The following FANCI variants were observed in gnomAD, a reference collection of about 807,000 sequenced individuals.
FANCI encodes the protein FA complementation group I.
FANCI carries 156 observed loss-of-function variants against 176.1 expected under a neutral mutation model. The observed-to-expected ratio is 0.89, with a 90% CI of 0.78 to 1.01. The LOEUF (loss-of-function observed/expected upper bound fraction) is 1.01. Among genes scored for constraint, FANCI ranks in the 50% least tolerant of loss-of-function variants. FANCI has a pLI of 0.00. For missense variants in FANCI, 1,678 were observed against 1,534.1 expected, an observed-to-expected ratio of 1.09 and a Z score of -1.57; for synonymous variants, 613 against 541.7, an observed-to-expected ratio of 1.13 and a Z score of -1.83.
rs970533173 is a variant in FANCI at position 89,312,904 on chromosome 15, A to T, written c.3652A>T (p.Asn1218Tyr). ...AGAGAATGTGTTTCTATTTCTTTAG[A>T]ATAAGAGTAAGAGCCTGAACTATAC... ...LCYSFISYVQNKSKSLNYTGE... is the reference protein window; with the variant it reads ...LCYSFISYVQYKSKSLNYTGE... The change falls in exon 35 of 38, where the codon AAT (asparagine) becomes TAT (tyrosine). Residue 1218 changes from asparagine (N) to tyrosine (Y), a missense_variant and splice_region_variant. This residue lies in a region of FANCI where 1,204 missense variants were observed against 1,077.4 expected (regional missense o/e 1.12). Coordinates refer to ENST00000310775, the MANE Select transcript of FANCI (RefSeq NM_001113378.2). 6.2e-7 allele frequency: 1 copy of T among 1,612,746 alleles called. No homozygotes were observed. The highest frequency in any genetic ancestry group is 1.7e-5 in the Admixed American group (1 of 59,984).
rs192371437 is a variant in FANCI, at chr15:89,256,484, A to T, written c.85-2220A>T. ...CATGTACTTGTGGAAGAGAGAGTTT[A>T]TTGTTTTATTAGTCTTGGCTTCTGT... On this transcript the variant is annotated intron_variant, in intron 2 of 37. Coordinates refer to ENST00000310775, the MANE Select transcript of FANCI (RefSeq NM_001113378.2). Among the ~76,000 whole-genome samples the T allele has an allele frequency of 5.9e-5, 9 of 152,294 alleles. No homozygotes were observed. The East Asian group carries it at 1.5e-3, about 26-fold the overall frequency.
At position 89,283,241 on chromosome 15, in the gene FANCI, T is replaced by C. The variant is rs1406812438; in HGVS notation, c.1689T>C (p.Ser563=). ...LSSSQCSQSL[S]VSQVHVDVHS... is the part of the protein sequence containing the mutation. ...CCTCTCAGTGCAGTCAGTCTCTCAGTGTCAGTCAGGTAAGGATTATTTACG... is the reference window on the plus strand; with the variant it reads ...CCTCTCAGTGCAGTCAGTCTCTCAGCGTCAGTCAGGTAAGGATTATTTACG... Residue 563 remains serine, a synonymous_variant, in exon 17 of 38, where the codon AGT becomes AGC. Coordinates refer to ENST00000310775, the MANE Select transcript of FANCI (RefSeq NM_001113378.2). The C allele has an allele frequency of 3.1e-6, 5 of 1,613,932 alleles. No individual in the cohort carries two copies. The highest frequency in any genetic ancestry group is 4.2e-6 in the Non-Finnish European group (5 of 1,179,872).
At chr15:89,283,993 C>T (rs757296526) in intron 17 of FANCI, among the ~76,000 whole-genome samples, 1 of 152,040 alleles carries the variant, frequency 6.6e-6, no homozygotes, top group East Asian at 1.9e-4. Context: ...GATCTCCTGA[C>T]CTCGTGATCC....
chr15:89,276,005 A>C (rs991745419), intron 12 of FANCI, among the ~76,000 whole-genome samples: 1 of 152,216 alleles, frequency 6.6e-6, no homozygotes, highest in African/African-American at 2.4e-5. Context: ...GAATATTGTT[A>C]ACTCTGTTAA....
rs545486664 is a variant in FANCI, at chr15:89,302,666, C to T, written c.3007-1198C>T. Among the ~76,000 whole-genome samples, 152 of 151,946 alleles carry T rather than the reference C, an allele frequency of 1.0e-3. 1 individual carries two copies. The highest frequency in any genetic ancestry group is 3.4e-3 in the Middle Eastern group (1 of 294). On this transcript the variant is annotated intron_variant, in intron 27 of 37. Coordinates refer to ENST00000310775, the MANE Select transcript of FANCI (RefSeq NM_001113378.2). The stretch of plus-strand genomic sequence containing the variant: ...TCAGCTCACTGCAGGCGCCGCCTTC[C>T]GGGTTCACGCCATTCTCCTGCCTCA...
At chr15:89,252,051 A>G (rs1010807803) in intron 2 of FANCI, among the ~76,000 whole-genome samples, 1 of 152,172 alleles carries the variant, frequency 6.6e-6, no homozygotes, top group Non-Finnish European at 1.5e-5. Flanking sequence ...CATAATCCCA[A>G]CGCTTTGGGA....
chr15:89,264,077 G>T, intron 8 of FANCI, 51 bp downstream of exon 8: 1 of 1,608,466 alleles, frequency 6.2e-7, no homozygotes, highest in South Asian at 1.1e-5. Context: ...GACCAGTTAT[G>T]ACCATTCAAC....
At chr15:89,298,093 A>C (rs1287611589) in intron 24 of FANCI, among the ~76,000 whole-genome samples, 5 of 152,188 alleles carry the variant, frequency 3.3e-5, no homozygotes, top group Admixed American at 2.0e-4. Flanking sequence ...CAAAACAAAA[A>C]AAAACCAGTA....
At chr15:89,300,462 A>C in intron 26 of FANCI, 77 bp downstream of exon 26, 1 of 1,313,134 alleles carries the variant, frequency 7.6e-7, no homozygotes, top group Non-Finnish European at 1.1e-6. Flanking sequence ...AGCTGGTAAG[A>C]ATGGGCAGAC....
rs368451326 is a variant in FANCI, at chr15:89,306,114, C to G, written c.3457C>G (p.Leu1153Val). The G allele has an allele frequency of 1.2e-5, 19 of 1,614,198 alleles. No homozygotes were observed. In the East Asian group the frequency reaches 1.6e-4, roughly 13 times the overall value. ...TFFHELVQTA[L>V]PSGSCVDTLL... ...TTTCCACGAGCTGGTGCAGACAGCTCTGCCATCAGGCAGCTGTGTGGACAC... is the reference window on the plus strand; with the variant it reads ...TTTCCACGAGCTGGTGCAGACAGCTGTGCCATCAGGCAGCTGTGTGGACAC... Residue 1153 changes from leucine (L) to valine (V), a missense_variant, in exon 32 of 38, where the codon CTG becomes GTG. By Grantham distance (32) the Leu-to-Val change is conservative. Around this residue, in one of 3 missense-constraint regions of FANCI, gnomAD observed 1,204 missense variants for 1,077.4 expected, o/e 1.12. Coordinates refer to ENST00000310775, the MANE Select transcript of FANCI (RefSeq NM_001113378.2).
chr15:89,296,111 G>T (rs1379829083), intron 24 of FANCI, among the ~76,000 whole-genome samples: 1 of 151,866 alleles, frequency 6.6e-6, no homozygotes, highest in Non-Finnish European at 1.5e-5. Flanking sequence ...GGGATTACAG[G>T]GCACCACCAT....
intron 12 of FANCI, among the ~76,000 whole-genome samples, chr15:89,276,029 A>G (rs1040781816): frequency 2.6e-5 from 4 of 152,238 alleles, no homozygotes; most frequent in African/African-American, 9.6e-5. Context: ...CTTATAATTT[A>G]TCCATAACTG....
chr15:89,271,890 A>G (rs919028099), intron 10 of FANCI, among the ~76,000 whole-genome samples: 8 of 152,218 alleles, frequency 5.3e-5, no homozygotes, highest in Admixed American at 4.6e-4. Flanking sequence ...CTGTTTGGCT[A>G]TTACAAATAA....
chr15:89,276,310 A>C (rs908304161), intron 12 of FANCI, among the ~76,000 whole-genome samples: 6 of 152,216 alleles, frequency 3.9e-5, no homozygotes, highest in African/African-American at 1.4e-4. Flanking sequence ...AAATATGACT[A>C]TACTATGACC....
intron 2 of FANCI, among the ~76,000 whole-genome samples, chr15:89,254,331 G>A (rs886574484): frequency 3.9e-5 from 6 of 152,138 alleles, no homozygotes; most frequent in African/African-American, 9.7e-5. Context: ...AAGTTTATGC[G>A]TGGGCAGGAT....
chr15:89,310,011 G>A (rs975478043), intron 34 of FANCI, among the ~76,000 whole-genome samples: 1 of 152,146 alleles, frequency 6.6e-6, no homozygotes, highest in Non-Finnish European at 1.5e-5. Flanking sequence ...CTAGCTATAG[G>A]TTATGATTAG....
intron 8 of FANCI, among the ~76,000 whole-genome samples, chr15:89,264,245 C>CATT (rs2052843598): frequency 6.6e-6 from 1 of 152,206 alleles, no homozygotes; most frequent in Non-Finnish European, 1.5e-5. Flanking sequence ...GGAAAACATG[C>CATT]ATTATCTCTT....
intron 3 of FANCI, among the ~76,000 whole-genome samples, chr15:89,260,420 T>C (rs2052666191): frequency 6.6e-6 from 1 of 152,206 alleles, no homozygotes; most frequent in Admixed American, 6.5e-5. Flanking sequence ...AGATTAGTTA[T>C]TAAATTTGGG....
chr15:89,272,518 G>A (rs897443566), intron 10 of FANCI, among the ~76,000 whole-genome samples: 3 of 151,842 alleles, frequency 2.0e-5, no homozygotes, highest in African/African-American at 7.3e-5. Flanking sequence ...TTTTCTTGTA[G>A]AAATTATGCT....
Sources: gnomAD v4.1 joint callset for allele counts (sites outside exome capture counted in the v4.1 genomes callset) on GRCh38, gnomAD v4.1.1 for gene constraint, gnomAD v4.1.1 regional missense constraint, MANE v1.5 for transcripts, NCBI Gene and HGNC (gene_info 2026-07-23, HGNC 2026-07-21) for gene names.